SNTB2: variants seen among roughly 807,000 people sequenced by gnomAD.
The protein encoded by SNTB2 is beta-2-syntrophin.
Under a neutral mutation model 46.2 loss-of-function variants are expected in SNTB2, and 34 were observed. The ratio of observed to expected loss-of-function variants is 0.74; its 90% CI spans 0.56 to 0.98. SNTB2 has a LOEUF of 0.98. Ranked by LOEUF, SNTB2 falls within the 50% of genes least tolerant of loss-of-function variation. SNTB2 has a pLI of 0.00. For missense variants in SNTB2, 603 were observed against 731.4 expected (o/e 0.82, Z 2.02); for synonymous variants, 290 against 312.6 (o/e 0.93, Z 0.76).
intron 5 of SNTB2, among the ~76,000 whole-genome samples, chr16:69,285,313 A>G (rs923141353): frequency 2.6e-5 from 4 of 151,162 alleles, no homozygotes; most frequent in Non-Finnish European, 4.4e-5. Context: ...AAGTACATTT[A>G]TAATACCGTA....
intron 2 of SNTB2, among the ~76,000 whole-genome samples, chr16:69,250,197 G>GT (rs1274934945): frequency 1.3e-5 from 2 of 152,278 alleles, no homozygotes; most frequent in South Asian, 2.1e-4. Context: ...ATTTCCATGC[G>GT]TTTTTTAGAC....
chr16:69,220,154 ATTTTTTTTTTT>A (rs889068336), intron 1 of SNTB2, among the ~76,000 whole-genome samples: 6 of 97,580 alleles, frequency 6.1e-5, no homozygotes, highest in South Asian at 3.3e-4. Flanking sequence ...AGAAAGTCAG[ATTTTTTTTTTT>A]TTTTTTTTTT....
At chr16:69,191,635 G>A (rs190301465) in intron 1 of SNTB2, among the ~76,000 whole-genome samples, 18 of 148,726 alleles carry the variant, frequency 1.2e-4, no homozygotes, top group Admixed American at 5.4e-4. Flanking sequence ...ATTTACTGGT[G>A]TTTTTTTATT....
chr16:69,308,819 A>G lies in SNTB2; in HGVS notation c.*7895A>G, dbSNP rs1176409322. The G allele has an allele frequency of 1.3e-5, 2 of 152,264 alleles. No individual in the cohort carries two copies. Among genetic ancestry groups the G allele is most frequent in the East Asian group, 3.8e-4 (2 of 5,196 alleles). The allele number at this position is 152,264 out of a possible 1,614,324, so 9.4% of individuals were successfully genotyped here. ...AATTTAAGTCTCAGATCTTCTGGAT[A>G]CCAAATCAAAAACCCAACGCGTAAA... On this transcript the variant is annotated 3_prime_UTR_variant, in exon 7 of 7. Coordinates refer to ENST00000336278, the MANE Select transcript of SNTB2 (RefSeq NM_006750.4).
intron 1 of SNTB2, among the ~76,000 whole-genome samples, chr16:69,189,721 G>A (rs1007083447): frequency 1.3e-5 from 2 of 152,208 alleles, no homozygotes; most frequent in Non-Finnish European, 2.9e-5. Flanking sequence ...TGGATGCCCA[G>A]CCTGGATGAC....
At chr16:69,212,736 G>A (rs1200410338) in intron 1 of SNTB2, among the ~76,000 whole-genome samples, 1 of 152,174 alleles carries the variant, frequency 6.6e-6, no homozygotes, top group African/African-American at 2.4e-5. Flanking sequence ...CTGGGTTCAA[G>A]CGATTCTCCT....
intron 4 of SNTB2, among the ~76,000 whole-genome samples, chr16:69,278,458 T>G (rs111811147): frequency 0.057 from 7,322 of 128,850 alleles, 248 homozygotes; most frequent in Non-Finnish European, 0.074. Flanking sequence ...TTTTGTAGGG[T>G]TTTTTTTTTT....
At chr16:69,284,333 G>T in intron 5 of SNTB2, 89 bp downstream of exon 5, 1 of 1,100,526 alleles carries the variant, frequency 9.1e-7, no homozygotes, top group East Asian at 2.6e-5. Flanking sequence ...AGTCAGTGAT[G>T]GATTGCATAC....
rs1233255695 is a variant in SNTB2, at chr16:69,306,922, G to A, written c.*5998G>A. 2 of 152,340 alleles carry A rather than the reference G, an allele frequency of 1.3e-5. No individual in the cohort carries two copies. Among genetic ancestry groups the A allele is most frequent in the South Asian group, 2.1e-4 (1 of 4,826 alleles). 9.4% of individuals were successfully genotyped at this position (152,340 alleles called of 1,614,324 possible). A position where few individuals can be genotyped will look rare whatever the true frequency, so the allele number is the denominator to read the frequency against. ...ATTGCACTCCAGCCTGGGCAACAGA[G>A]CGAGACTTCATCTCCAAAAAAAGAA... On this transcript the variant is annotated 3_prime_UTR_variant, in exon 7 of 7. Coordinates refer to ENST00000336278, the MANE Select transcript of SNTB2 (RefSeq NM_006750.4).
At chr16:69,234,966 A>G (rs1964543394) in intron 1 of SNTB2, among the ~76,000 whole-genome samples, 1 of 151,938 alleles carries the variant, frequency 6.6e-6, no homozygotes, top group African/African-American at 2.4e-5. Context: ...GCCTCCCAAA[A>G]TGTTGGGATT....
intron 1 of SNTB2, among the ~76,000 whole-genome samples, chr16:69,196,699 G>C (rs1484494152): frequency 6.6e-6 from 1 of 152,118 alleles, no homozygotes; most frequent in Non-Finnish European, 1.5e-5. Context: ...ACAGCCCTGT[G>C]AGTCAGGTGG....
chr16:69,193,422 G>C (rs1459543432), intron 1 of SNTB2, among the ~76,000 whole-genome samples: 1 of 143,640 alleles, frequency 7.0e-6, no homozygotes, highest in Non-Finnish European at 1.5e-5. Context: ...TCCGCCTCCT[G>C]GGTTCAAGAA....
At chr16:69,268,151 A>T (rs1389168043) in intron 3 of SNTB2, among the ~76,000 whole-genome samples, 1 of 152,178 alleles carries the variant, frequency 6.6e-6, no homozygotes, top group Non-Finnish European at 1.5e-5. Flanking sequence ...GGTACCTTCT[A>T]AGCTGAAACA....
rs1395509808 is a variant in SNTB2, at chr16:69,270,397, G to A, written c.1148+112G>A. The A allele has an allele frequency of 1.6e-5, 21 of 1,324,856 alleles. No homozygotes were observed. The East Asian group carries it at 2.2e-4, about 14-fold the overall frequency. The allele number at this position is 1,324,856 out of a possible 1,614,324, so 82.1% of individuals were successfully genotyped here. A position where few individuals can be genotyped will look rare whatever the true frequency, so the allele number is the denominator to read the frequency against. On this transcript the variant is annotated intron_variant, in intron 4 of 6. Transcript: ENST00000336278. ...GTGCCTAAAAGAGCATTTAAGTAGC[G>A]GATATAGTTGATGCAGACAAAAATT...
chr16:69,194,513 G>C (rs946264518), intron 1 of SNTB2, among the ~76,000 whole-genome samples: 5 of 152,068 alleles, frequency 3.3e-5, no homozygotes, highest in Non-Finnish European at 7.4e-5. Context: ...ATAAATTTTG[G>C]AATGATTTTA....
chr16:69,235,865 CA>C (rs1200192286), intron 1 of SNTB2: 5 of 1,288,326 alleles, frequency 3.9e-6, no homozygotes, highest in Non-Finnish European at 5.1e-6. Context: ...ACCACTTCTA[CA>C]ACTGTTCTTG....
intron 1 of SNTB2, among the ~76,000 whole-genome samples, chr16:69,224,607 C>G (rs764253498): frequency 3.9e-4 from 59 of 152,168 alleles, no homozygotes; most frequent in Non-Finnish European, 7.9e-4. Context: ...ATCATTGGAT[C>G]TTGCCTGCAA....
chr16:69,196,923 T>C (rs1964111233), intron 1 of SNTB2, among the ~76,000 whole-genome samples: 1 of 152,228 alleles, frequency 6.6e-6, no homozygotes, highest in Non-Finnish European at 1.5e-5. Flanking sequence ...TTTATTGTTA[T>C]GATTGGCTTA....
chr16:69,286,285 A>C (rs567041655), intron 5 of SNTB2, among the ~76,000 whole-genome samples: 1 of 152,326 alleles, frequency 6.6e-6, no homozygotes, highest in South Asian at 2.1e-4. Flanking sequence ...TAGTGTAAGA[A>C]CTAGCCAGTA....
Sources: allele counts gnomAD v4.1 joint callset (sites outside exome capture counted in the v4.1 genomes callset), GRCh38; gene constraint gnomAD v4.1.1; transcripts MANE v1.5; gene names NCBI Gene and HGNC (gene_info 2026-07-23, HGNC 2026-07-21).